REEP4: variants seen among roughly 807,000 people sequenced by gnomAD.
REEP4 encodes receptor expression-enhancing protein 4.
Under a neutral mutation model 33.5 loss-of-function variants are expected in REEP4, and 17 were observed. The observed-to-expected ratio is 0.51, with a 90% CI of 0.35 to 0.76. The LOEUF (loss-of-function observed/expected upper bound fraction) is 0.76, where lower values mean the gene tolerates loss of function less well. REEP4 is among the 30% of genes least tolerant of loss of function. The probability of loss-of-function intolerance (pLI) is 0.01; values close to 1 mark genes in which losing one functional copy is unlikely to be tolerated. For synonymous variants in REEP4, 157 were observed against 142.9 expected (o/e 1.10, Z -0.70); for missense variants, 340 against 357.9 (o/e 0.95, Z 0.40).
At position 22,139,245 on chromosome 8, in the gene REEP4, C is replaced by G. The variant is rs749960355; in HGVS notation, c.417+171G>C. 1.1e-5 allele frequency: 11 copies of G among 982,272 alleles called. No individual in the cohort carries two copies. In the South Asian group the frequency reaches 1.2e-4, roughly 11 times the overall value. The allele number at this position is 982,272 out of a possible 1,614,324, so 60.8% of individuals were successfully genotyped here. On this transcript the variant is annotated intron_variant, in intron 5 of 7. Coordinates refer to ENST00000306306, the MANE Select transcript of REEP4 (RefSeq NM_025232.4). The stretch of plus-strand genomic sequence containing the variant: ...CGCTGCTTACGCTCAGTGCCAGAGC[C>G]AGGAAGGAAGGTCTGACTCCAGCTC...
rs7819915 is a variant in REEP4 at position 22,141,724 on chromosome 8, C to G, written c.-242G>C. The G allele has an allele frequency of 3.8e-3, 1,592 of 419,158 alleles. 19 individuals carry two copies. The highest frequency in any genetic ancestry group is 0.03 in the African/African-American group (1,463 of 48,736). 26.0% of individuals were successfully genotyped at this position (419,158 alleles called of 1,614,324 possible). On this transcript the variant is annotated 5_prime_UTR_variant, in exon 1 of 8. Coordinates refer to ENST00000306306, the MANE Select transcript of REEP4 (RefSeq NM_025232.4). The stretch of plus-strand genomic sequence containing the variant: ...GGGAGGAAGCCGACTTGGGAGCGGG[C>G]GCGCCCCGCGGCCGGGGCAGTTACA...
chr8:22,139,763 A>G (rs1221435286), intron 4 of REEP4, 200 bp downstream of exon 4: 1 of 754,306 alleles, frequency 1.3e-6, no homozygotes, highest in Admixed American at 2.9e-5. Context: ...ACCAATTTCC[A>G]TCCTCAAAGG....
chr8:22,141,340 C>G, intron 1 of REEP4, 111 bp downstream of exon 1: 1 of 1,309,800 alleles, frequency 7.6e-7, no homozygotes, highest in Non-Finnish European at 1.1e-6. Context: ...GCATGGAGTG[C>G]TGGAGGGTGG....
chr8:22,140,771 C>A, intron 1 of REEP4, 74 bp from the exon 2 acceptor site: 1 of 1,312,348 alleles, frequency 7.6e-7, no homozygotes, highest in Non-Finnish European at 1.1e-6. Flanking sequence ...CATTTCCCCC[C>A]ACTGGGGTGC....
chr8:22,139,098 C>T (rs1171939379), intron 5 of REEP4, 37 bp from the exon 6 acceptor site: 1 of 1,561,770 alleles, frequency 6.4e-7, no homozygotes, highest in Non-Finnish European at 8.7e-7. Context: ...GGAGGCTGCC[C>T]AGGGATATTG....
At position 22,139,396 on chromosome 8, in the gene REEP4, G is replaced by A. The variant is rs376513947; in HGVS notation, c.417+20C>T. The A allele has an allele frequency of 5.7e-6, 9 of 1,584,280 alleles. No homozygotes were observed. Among genetic ancestry groups the A allele is most frequent in the South Asian group, 1.1e-5 (1 of 90,576 alleles). The stretch of plus-strand genomic sequence containing the variant: ...TAGGGGTGGGATGGGGGCTGCTGGA[G>A]GGCTGGGGGCCCAGAGCACCTTGGT... On this transcript the variant is annotated intron_variant, in intron 5 of 7. Transcript: ENST00000306306.
intron 4 of REEP4, 41 bp from the exon 5 acceptor site, chr8:22,139,570 G>A: frequency 6.7e-7 from 1 of 1,484,162 alleles, no homozygotes; most frequent in Non-Finnish European, 9.2e-7. Flanking sequence ...TGGACAGCCA[G>A]AGTCCCTCTT....
chr8:22,138,418 C>G lies in REEP4; in HGVS notation c.*69G>C. 1 of 1,574,988 alleles carries G rather than the reference C, an allele frequency of 6.3e-7. No homozygotes were observed. Among genetic ancestry groups the G allele is most frequent in the Non-Finnish European group, 8.7e-7 (1 of 1,152,320 alleles). On this transcript the variant is annotated 3_prime_UTR_variant, in exon 8 of 8. Coordinates refer to ENST00000306306, the MANE Select transcript of REEP4 (RefSeq NM_025232.4). ...GTGCAGGCAGGCCAGATGTGCAGCC[C>G]AAGGTCCCTCCAAATAGCCCTGGAG...
chr8:22,139,636 C>CAG, intron 4 of REEP4, 107 bp from the exon 5 acceptor site: 4 of 918,866 alleles, frequency 4.4e-6, no homozygotes, highest in Non-Finnish European at 4.9e-6. Flanking sequence ...CAGCCCAGCC[C>CAG]CACCTGGTGC....
At chr8:22,139,387 G>A (rs767364238) in intron 5 of REEP4, 29 bp downstream of exon 5, 3 of 1,555,178 alleles carry the variant, frequency 1.9e-6, no homozygotes, top group Admixed American at 1.7e-5. Flanking sequence ...TGGGATGGGG[G>A]CTGCTGGAGG....
At chr8:22,141,041 G>C (rs1209052818) in intron 1 of REEP4, among the ~76,000 whole-genome samples, 2 of 152,280 alleles carry the variant, frequency 1.3e-5, no homozygotes, top group Non-Finnish European at 2.9e-5. Context: ...GTTGCAGATA[G>C]GGCTATGTGA....
chr8:22,139,019 G>T lies in REEP4; in HGVS notation c.460C>A (p.Gln154Lys). The T allele has an allele frequency of 6.2e-7, 1 of 1,600,168 alleles. No homozygotes were observed. The change falls in exon 6 of 8, where the codon CAG becomes AAG. Residue 154 changes from glutamine (Q) to lysine (K), a missense_variant. Gln to Lys is a moderately conservative substitution (Grantham distance 53). Coordinates refer to ENST00000306306, the MANE Select transcript of REEP4 (RefSeq NM_025232.4). Reference protein sequence around the residue: ...LAGRLRSFSMQDLRSISDAPA... With the variant: ...LAGRLRSFSMKDLRSISDAPA... ...GCGTCAGAGATGGAGCGCAGGTCCT[G>T]CATGGAGAAGCTCCGCAGCCTGCCG... is the stretch of plus-strand genomic sequence containing the variant.
intron 4 of REEP4, 111 bp downstream of exon 4, chr8:22,139,852 C>A: frequency 7.5e-7 from 1 of 1,335,844 alleles, no homozygotes; most frequent in Non-Finnish European, 1.0e-6. Flanking sequence ...CCCTCAATAG[C>A]AGCAGGACTG....
At chr8:22,141,146 G>A (rs548852923) in intron 1 of REEP4, among the ~76,000 whole-genome samples, 1 of 152,242 alleles carries the variant, frequency 6.6e-6, no homozygotes, top group East Asian at 1.9e-4. Flanking sequence ...CGCCCACAAC[G>A]TGCCATATCA....
intron 2 of REEP4, 38 bp downstream of exon 2, chr8:22,140,587 C>G: frequency 1.3e-6 from 2 of 1,585,614 alleles, no homozygotes; most frequent in African/African-American, 1.3e-5. Context: ...CCCCACCTCA[C>G]CAAGTCCTAT....
rs753585435 is a variant in REEP4 at position 22,139,518 on chromosome 8, C to G, written c.315G>C (p.Ala105=). ...TGCGCTCCTTGGCCTGCACGATGTA[C>G]GCGTCGATCTCCTGTGGACCCAATG... is the stretch of plus-strand genomic sequence containing the variant. ...SLSRHEKEID[A]YIVQAKERSY... The change falls in exon 5 of 8, where the codon GCG becomes GCC. Residue 105 remains alanine (A), a synonymous_variant. Transcript: ENST00000306306. 2 of 1,608,992 alleles carry G rather than the reference C, an allele frequency of 1.2e-6. No individual in the cohort carries two copies. Among genetic ancestry groups the G allele is most frequent in the Non-Finnish European group, 1.7e-6 (2 of 1,179,276 alleles).
chr8:22,139,331 G>T, intron 5 of REEP4, 85 bp downstream of exon 5: 1 of 1,205,618 alleles, frequency 8.3e-7, no homozygotes, highest in Non-Finnish European at 1.2e-6. Flanking sequence ...TGCCATCTCT[G>T]GGCTCCCTGG....
In REEP4 at chr8:22,138,572, A is replaced by T. The variant is rs1827167736; in HGVS notation, c.709-20T>A. On this transcript the variant is annotated intron_variant, in intron 7 of 7. Transcript: ENST00000306306. ...GGTGCCCTGGGGAAAGGGGAGGCACAGCATGAGGGTGTGGGGAGCACCAGC... is the reference window on the plus strand; with the variant it reads ...GGTGCCCTGGGGAAAGGGGAGGCACTGCATGAGGGTGTGGGGAGCACCAGC... 1.9e-6 allele frequency: 3 copies of T among 1,613,824 alleles called. No homozygotes were observed. The African/African-American group carries it at 4.0e-5, about 22-fold the overall frequency.
Position 22,138,400 on chromosome 8 carries a change from C to G in REEP4, c.*87G>C. On this transcript the variant is annotated 3_prime_UTR_variant, in exon 8 of 8. Coordinates refer to ENST00000306306, the MANE Select transcript of REEP4 (RefSeq NM_025232.4). ...GTGGGGCCCAGGCAGCTGGTGCAGGCAGGCCAGATGTGCAGCCCAAGGTCC... is the reference window on the plus strand; with the variant it reads ...GTGGGGCCCAGGCAGCTGGTGCAGGGAGGCCAGATGTGCAGCCCAAGGTCC... The G allele has an allele frequency of 6.7e-7, 1 of 1,492,402 alleles. No individual in the cohort carries two copies. The highest frequency in any genetic ancestry group is 1.1e-5 in the South Asian group (1 of 88,588). The allele number at this position is 1,492,402 out of a possible 1,614,324, so 92.4% of individuals were successfully genotyped here.
Sources: allele counts gnomAD v4.1 joint callset (sites outside exome capture counted in the v4.1 genomes callset), GRCh38; gene constraint gnomAD v4.1.1; transcripts MANE v1.5; gene names NCBI Gene and HGNC (gene_info 2026-07-23, HGNC 2026-07-21).